THY1: variants seen among roughly 807,000 people sequenced by gnomAD.
THY1 encodes the protein thy-1 membrane glycoprotein.
THY1 carries 10 observed loss-of-function variants against 14.9 expected under a neutral mutation model. That is an observed-to-expected ratio of 0.67 (90% confidence interval 0.41 to 1.14). The LOEUF (loss-of-function observed/expected upper bound fraction) is 1.14, where lower values mean the gene tolerates loss of function less well. Among genes scored for constraint, THY1 ranks in the 50% most tolerant of loss-of-function variants. The probability of loss-of-function intolerance (pLI) is 0.00; values close to 1 mark genes in which losing one functional copy is unlikely to be tolerated. For synonymous variants in THY1, 80 were observed against 90.0 expected (o/e 0.89, Z 0.63); for missense variants, 159 against 202.1 (o/e 0.79, Z 1.29).
upstream of THY1, chr11:119,423,461 C>T: frequency 2.9e-6 from 1 of 348,062 alleles, no homozygotes. Context: ...CCCTGAGCCC[C>T]GCAATGGTTG....
intron 2 of THY1, 134 bp downstream of exon 2, chr11:119,420,735 T>C (rs3138092): frequency 0.26 from 284,876 of 1,111,772 alleles, 37,863 homozygotes; most frequent in Admixed American, 0.3. Context: ...CGCGGTGGAT[T>C]GGCTGACTTC....
Position 119,422,564 on chromosome 11 carries a change from G to A in THY1, c.-25+549C>T, listed in dbSNP as rs1861928512. On this transcript the variant is annotated intron_variant, in intron 1 of 3. Transcript: ENST00000284240. The surrounding 1 kb of genome is among the most constrained non-coding windows in gnomAD (Gnocchi z 7.0). The stretch of plus-strand genomic sequence containing the variant: ...ATTCCAATCCTCTCCTTTCCCAAAT[G>A]AGTCCCCCTTCCCCCTCTCTCATCC... The A allele has an allele frequency of 5.7e-6, 1 of 176,986 alleles. No homozygotes were observed. The highest frequency in any genetic ancestry group is 2.4e-5 in the African/African-American group (1 of 40,924). 11.0% of individuals were successfully genotyped at this position (176,986 alleles called of 1,614,324 possible).
Position 119,419,494 on chromosome 11 carries a change from T to C in THY1, c.400A>G (p.Ser134Gly). Residue 134 changes from serine to glycine, a missense_variant, in exon 4 of 4, where the codon AGC becomes GGC. Ser to Gly is a moderately conservative substitution (Grantham distance 56). Coordinates refer to ENST00000284240, the MANE Select transcript of THY1 (RefSeq NM_006288.5). ...CACGAGGTGTTCTGAGCCAGCAGGCTGATGCCCTCACACTTGACCAGTTTG... is the reference window on the plus strand; with the variant it reads ...CACGAGGTGTTCTGAGCCAGCAGGCCGATGCCCTCACACTTGACCAGTTTG... The part of the protein sequence containing the change: ...RDKLVKCEGI[S>G]LLAQNTSWLL... 1 of 1,613,406 alleles carries C rather than the reference T, an allele frequency of 6.2e-7. No individual in the cohort carries two copies. Among genetic ancestry groups the C allele is most frequent in the Non-Finnish European group, 8.5e-7 (1 of 1,180,012 alleles).
intron 1 of THY1, 135 bp from the exon 2 acceptor site, chr11:119,421,064 A>G: frequency 1.4e-6 from 1 of 729,928 alleles, no homozygotes. Context: ...TCGTCCCTGC[A>G]TCTCACTGAA....
At chr11:119,421,869 CTG>C (rs1450166198) in intron 1 of THY1, 3 of 152,298 alleles carry the variant, frequency 2.0e-5, no homozygotes, top group Admixed American at 1.3e-4. Flanking sequence ...GTCCAGCTCT[CTG>C]GAGTTCCTGG....
chr11:119,423,047 G>A (rs988055198), intron 1 of THY1, 66 bp downstream of exon 1: 1 of 456,068 alleles, frequency 2.2e-6, no homozygotes, highest in Admixed American at 2.3e-5. Context: ...CCTAGTGTTG[G>A]GAAGTCTTGC....
At chr11:119,420,781 T>C (rs1307689451) in intron 2 of THY1, 88 bp downstream of exon 2, 1 of 1,529,968 alleles carries the variant, frequency 6.5e-7, no homozygotes, top group Non-Finnish European at 9.0e-7. Context: ...TCACCTGCGC[T>C]TTTCTGAGAC....
rs1861809058 is a variant in THY1, at chr11:119,417,907, A to T, written c.*1501T>A. ...GAGCCAGGGCCATGTGGTTCGGCCC[A>T]CATGTTGGCAGTAAGCATGTTGTTC... On this transcript the variant is annotated 3_prime_UTR_variant, in exon 4 of 4. Coordinates refer to ENST00000284240, the MANE Select transcript of THY1 (RefSeq NM_006288.5). 1 of 152,360 alleles carries T rather than the reference A, an allele frequency of 6.6e-6. No individual in the cohort carries two copies. The highest frequency in any genetic ancestry group is 1.5e-5 in the Non-Finnish European group (1 of 68,116). 9.4% of individuals were successfully genotyped at this position (152,360 alleles called of 1,614,324 possible). A position where few individuals can be genotyped will look rare whatever the true frequency, so the allele number is the denominator to read the frequency against.
In THY1 at chr11:119,419,157, A is replaced by C; in HGVS notation, c.*251T>G. The C allele has an allele frequency of 2.0e-6, 1 of 504,174 alleles. No individual in the cohort carries two copies. The highest frequency in any genetic ancestry group is 3.7e-6 in the Non-Finnish European group (1 of 270,120). The allele number at this position is 504,174 out of a possible 1,614,324, so 31.2% of individuals were successfully genotyped here. Reference sequence around the variant, plus strand: ...TCAAAGAAAAGGAAGGATAAAACCTAAATAAACCAGACAGAAGCAGCTCTG... The same window carrying C: ...TCAAAGAAAAGGAAGGATAAAACCTCAATAAACCAGACAGAAGCAGCTCTG... On this transcript the variant is annotated 3_prime_UTR_variant, in exon 4 of 4. Transcript: ENST00000284240.
Position 119,418,002 on chromosome 11 carries a change from GA to G in THY1, c.*1405del, listed in dbSNP as rs1861810929. 6.6e-6 allele frequency: 1 copy of G among 152,264 alleles called. No homozygotes were observed. Among genetic ancestry groups the G allele is most frequent in the African/African-American group, 2.4e-5 (1 of 41,448 alleles). The allele number at this position is 152,264 out of a possible 1,614,324, so 9.4% of individuals were successfully genotyped here. A position where few individuals can be genotyped will look rare whatever the true frequency, so the allele number is the denominator to read the frequency against. ...AAATGTGTCTCGTTAGGGTCATTCT[GA>G]AAAGAAGCCCAGTGTGCAGTCATTA... On this transcript the variant is annotated 3_prime_UTR_variant, in exon 4 of 4. Coordinates refer to ENST00000284240, the MANE Select transcript of THY1 (RefSeq NM_006288.5).
At position 119,417,761 on chromosome 11, in the gene THY1, C is replaced by T; in HGVS notation, c.*1647G>A. ...ACATGGGCATCTCCCACCCTTCGTG[C>T]TCACCCTCGCAATAGTGGATGTGCC... On this transcript the variant is annotated 3_prime_UTR_variant, in exon 4 of 4. Transcript: ENST00000284240. 1 of 152,466 alleles carries T rather than the reference C, an allele frequency of 6.6e-6. No homozygotes were observed. The highest frequency in any genetic ancestry group is 1.5e-5 in the Non-Finnish European group (1 of 68,122). 9.4% of individuals were successfully genotyped at this position (152,466 alleles called of 1,614,324 possible). A position where few individuals can be genotyped will look rare whatever the true frequency, so the allele number is the denominator to read the frequency against.
rs928240947 is a variant in THY1 at position 119,418,080 on chromosome 11, G to A, written c.*1328C>T. The A allele has an allele frequency of 6.6e-6, 1 of 152,498 alleles. No individual in the cohort carries two copies. The highest frequency in any genetic ancestry group is 1.5e-5 in the Non-Finnish European group (1 of 68,242). The allele number at this position is 152,498 out of a possible 1,614,324, so 9.4% of individuals were successfully genotyped here. A position where few individuals can be genotyped will look rare whatever the true frequency, so the allele number is the denominator to read the frequency against. On this transcript the variant is annotated 3_prime_UTR_variant, in exon 4 of 4. Coordinates refer to ENST00000284240, the MANE Select transcript of THY1 (RefSeq NM_006288.5). ...TGGTTGGGGAGAAGTCAGGGAAGAG[G>A]AAGAGGTGGCGTTCCCCAGCCTCAC...
At chr11:119,420,557 C>T (rs1861880355) in intron 2 of THY1, 171 bp from the exon 3 acceptor site, 1 of 671,510 alleles carries the variant, frequency 1.5e-6, no homozygotes, top group Non-Finnish European at 2.5e-6. Flanking sequence ...CAGCCTCCCT[C>T]CCCACTCTGC....
At chr11:119,420,735 T>A in intron 2 of THY1, 134 bp downstream of exon 2, 1 of 1,113,716 alleles carries the variant, frequency 9.0e-7, no homozygotes. Context: ...CGCGGTGGAT[T>A]GGCTGACTTC....
chr11:119,420,325 G>C lies in THY1; in HGVS notation c.99C>G (p.Ser33Arg), dbSNP rs779179785. 1 of 1,614,178 alleles carries C rather than the reference G, an allele frequency of 6.2e-7. No individual in the cohort carries two copies. Among genetic ancestry groups the C allele is most frequent in the Non-Finnish European group, 8.5e-7 (1 of 1,180,048 alleles). The stretch of plus-strand genomic sequence containing the variant: ...TCTCATGGCGGCAGTCCAGACGAAG[G>C]CTCTGGTCCACTAGGCAGGCCGTTA... ...TSLTACLVDQ[S>R]LRLDCRHENT... Residue 33 changes from serine to arginine, a missense_variant, in exon 3 of 4, where the codon AGC becomes AGG. By Grantham distance (110) the Ser-to-Arg change is moderately radical. Coordinates refer to ENST00000284240, the MANE Select transcript of THY1 (RefSeq NM_006288.5).
intron 2 of THY1, 79 bp from the exon 3 acceptor site, chr11:119,420,465 G>T: frequency 7.3e-7 from 1 of 1,365,966 alleles, no homozygotes; most frequent in Non-Finnish European, 9.8e-7. Context: ...TGGAGAGATG[G>T]GCCTGGCTAG....
At position 119,419,060 on chromosome 11, in the gene THY1, C is replaced by T; in HGVS notation, c.*348G>A. On this transcript the variant is annotated 3_prime_UTR_variant, in exon 4 of 4. Coordinates refer to ENST00000284240, the MANE Select transcript of THY1 (RefSeq NM_006288.5). ...GACCCCTCCAGTGGCTGGTACCCCA[C>T]CATCCCACTACCCCTCACATGCTCT... 3 of 351,190 alleles carry T rather than the reference C, an allele frequency of 8.5e-6. No homozygotes were observed. The highest frequency in any genetic ancestry group is 4.5e-5 in the South Asian group (2 of 44,256). The allele number at this position is 351,190 out of a possible 1,614,324, so 21.8% of individuals were successfully genotyped here.
chr11:119,420,422 C>A, intron 2 of THY1, 36 bp from the exon 3 acceptor site: 1 of 1,561,938 alleles, frequency 6.4e-7, no homozygotes, highest in African/African-American at 1.3e-5. Context: ...ACTGGAGGGG[C>A]CTGCGGCACA....
rs1448889524 is a variant in THY1, at chr11:119,415,833, C to T, written c.*3575G>A. Among the ~76,000 whole-genome samples, 1 of 152,184 alleles carries T rather than the reference C, an allele frequency of 6.6e-6. No individual in the cohort carries two copies. Among genetic ancestry groups the T allele is most frequent in the Non-Finnish European group, 1.5e-5 (1 of 68,044 alleles). ...TGTTGAGCAGAAGAGAGCTGATGGC[C>T]CTCTTGCCTGGCCAGGACTCTCTGA... On this transcript the variant is annotated 3_prime_UTR_variant, in exon 4 of 4. Transcript: ENST00000284240.
Sources: allele counts gnomAD v4.1 joint callset (sites outside exome capture counted in the v4.1 genomes callset), GRCh38; gene constraint gnomAD v4.1.1; non-coding constraint Gnocchi (gnomAD v3.1); transcripts MANE v1.5; gene names NCBI Gene and HGNC (gene_info 2026-07-23, HGNC 2026-07-21).